The following PTPRO variants were observed in gnomAD, a reference collection of about 807,000 sequenced individuals.
The protein encoded by PTPRO is receptor-type tyrosine-protein phosphatase O.
In PTPRO, 62 loss-of-function variants were observed where a neutral mutation model predicts 145.2. That is an observed-to-expected ratio of 0.43 (90% CI 0.35 to 0.53). The LOEUF is 0.53. Among genes scored for constraint, PTPRO ranks in the 20% least tolerant of loss-of-function variants. The pLI is 0.01. For missense variants in PTPRO, 1,345 were observed against 1,482.7 expected, an observed-to-expected ratio of 0.91 and a Z score of 1.53; for synonymous variants, 565 against 514.7, an observed-to-expected ratio of 1.10 and a Z score of -1.32.
chr12:15,443,263 A>T lies in PTPRO; in HGVS notation c.76-40711A>T, dbSNP rs1178719566. Among the ~76,000 whole-genome samples, 110 of 152,280 alleles carry T rather than the reference A, an allele frequency of 7.2e-4. 1 individual carries two copies. Among genetic ancestry groups the T allele is most frequent in the Non-Finnish European group, 2.5e-4 (17 of 67,996 alleles). ...GAAATAATTGCCTATTCAGCAATAAATAGGACTGGGATAGCTTTCCAGCCA... is the reference window on the plus strand; with the variant it reads ...GAAATAATTGCCTATTCAGCAATAATTAGGACTGGGATAGCTTTCCAGCCA... On this transcript the variant is annotated intron_variant, in intron 1 of 26. Coordinates refer to ENST00000281171, the MANE Select transcript of PTPRO (RefSeq NM_030667.3).
chr12:15,527,040 G>T (rs771110859), intron 12 of PTPRO, among the ~76,000 whole-genome samples: 1 of 152,132 alleles, frequency 6.6e-6, no homozygotes, highest in Admixed American at 6.5e-5. Flanking sequence ...TTTAATTAAA[G>T]TAGGGACAAC....
At chr12:15,558,568 T>C (rs1275153526) in intron 16 of PTPRO, among the ~76,000 whole-genome samples, 2 of 152,214 alleles carry the variant, frequency 1.3e-5, no homozygotes, top group South Asian at 2.1e-4. Context: ...AACATGAAGC[T>C]AACATGTACT....
At chr12:15,358,026 C>G (rs1401244861) in intron 1 of PTPRO, among the ~76,000 whole-genome samples, 2 of 151,416 alleles carry the variant, frequency 1.3e-5, no homozygotes, top group Non-Finnish European at 3.0e-5. Flanking sequence ...GAAAATGTGG[C>G]ACATATACAC....
chr12:15,540,977 C>T (rs551748740), intron 12 of PTPRO, among the ~76,000 whole-genome samples: 38 of 152,246 alleles, frequency 2.5e-4, no homozygotes, highest in African/African-American at 7.7e-4. Context: ...TTGAGTGGAA[C>T]GCCAGCAATA....
intron 7 of PTPRO, among the ~76,000 whole-genome samples, chr12:15,513,206 AAAG>A (rs1942500284): frequency 9.4e-6 from 1 of 106,428 alleles, no homozygotes; most frequent in Non-Finnish European, 1.8e-5. Flanking sequence ...AGAAAGAAAG[AAAG>A]AAAGAAAGAA....
intron 12 of PTPRO, among the ~76,000 whole-genome samples, chr12:15,532,666 C>G (rs1344871901): frequency 6.6e-6 from 1 of 152,196 alleles, no homozygotes; most frequent in Non-Finnish European, 1.5e-5. Flanking sequence ...GTGGTCTATA[C>G]TTAAATTCTA....
In PTPRO at chr12:15,526,085, G is replaced by A. The variant is rs573780727; in HGVS notation, c.2044-57G>A. 3 of 1,609,424 alleles carry A rather than the reference G, an allele frequency of 1.9e-6. No homozygotes were observed. The South Asian group carries it at 3.3e-5, about 18-fold the overall frequency. ...TGCTATAGTCCTTTAGTTGTTTGGG[G>A]TGGTGCACTGATTCATTCACTAAAA... On this transcript the variant is annotated intron_variant, in intron 11 of 26. Coordinates refer to ENST00000281171, the MANE Select transcript of PTPRO (RefSeq NM_030667.3).
At chr12:15,433,082 T>C (rs1940490920) in intron 1 of PTPRO, among the ~76,000 whole-genome samples, 1 of 152,144 alleles carries the variant, frequency 6.6e-6, no homozygotes, top group Admixed American at 6.6e-5. Context: ...CACAATTATT[T>C]TTGATGTCTT....
chr12:15,442,734 C>G (rs115531128), intron 1 of PTPRO, among the ~76,000 whole-genome samples: 1 of 151,906 alleles, frequency 6.6e-6, no homozygotes, highest in Non-Finnish European at 1.5e-5. Context: ...AAATGCAATC[C>G]GATTTACAAT....
At chr12:15,585,579 C>A (rs188723614) in intron 23 of PTPRO, among the ~76,000 whole-genome samples, 2 of 152,110 alleles carry the variant, frequency 1.3e-5, no homozygotes, top group African/African-American at 4.8e-5. Flanking sequence ...TGTCTTTATA[C>A]GTTTATTTTC....
intron 1 of PTPRO, among the ~76,000 whole-genome samples, chr12:15,402,164 C>T (rs535634071): frequency 2.1e-4 from 32 of 151,914 alleles, no homozygotes; most frequent in Non-Finnish European, 3.7e-4. Context: ...CTGAGGCAGG[C>T]GGATCATGAG....
At chr12:15,405,564 A>G (rs1237550620) in intron 1 of PTPRO, among the ~76,000 whole-genome samples, 17 of 152,210 alleles carry the variant, frequency 1.1e-4, no homozygotes, top group Admixed American at 1.1e-3. Context: ...TATTAGGTAG[A>G]CAAAAATATT....
Position 15,497,207 on chromosome 12 carries a change from C to G in PTPRO, c.350-38C>G, listed in dbSNP as rs779442056. On this transcript the variant is annotated intron_variant, in intron 2 of 26. Transcript: ENST00000281171. Reference sequence around the variant, plus strand: ...ATTGATATCGGCCTTTCTCTCTCCTCTTTCTTTTCCCTTTCTCCATTTACT... The same window carrying G: ...ATTGATATCGGCCTTTCTCTCTCCTGTTTCTTTTCCCTTTCTCCATTTACT... The G allele has an allele frequency of 2.6e-6, 4 of 1,519,430 alleles. No individual in the cohort carries two copies. The East Asian group carries it at 6.8e-5, about 26-fold the overall frequency. The allele number at this position is 1,519,430 out of a possible 1,614,324, so 94.1% of individuals were successfully genotyped here. A position where few individuals can be genotyped will look rare whatever the true frequency, so the allele number is the denominator to read the frequency against.
intron 1 of PTPRO, among the ~76,000 whole-genome samples, chr12:15,377,401 T>G (rs1185202282): frequency 6.6e-6 from 1 of 151,968 alleles, no homozygotes; most frequent in East Asian, 1.9e-4. Context: ...GTGATTCAAC[T>G]CTACACTGTC....
At chr12:15,569,553 G>C (rs754393787) in intron 19 of PTPRO, 55 bp downstream of exon 19, 28 of 1,488,178 alleles carry the variant, frequency 1.9e-5, no homozygotes, top group Non-Finnish European at 2.4e-5. Context: ...CTGGGAATTG[G>C]GGGGTTTGTG....
chr12:15,515,500 G>T lies in PTPRO; in HGVS notation c.1467G>T (p.Val489=). The T allele has an allele frequency of 6.2e-7, 1 of 1,613,862 alleles. No homozygotes were observed. Among genetic ancestry groups the T allele is most frequent in the Non-Finnish European group, 8.5e-7 (1 of 1,179,868 alleles). The change falls in exon 8 of 27, where the codon GTG becomes GTT. Residue 489 remains valine, a splice_region_variant and synonymous_variant. Transcript: ENST00000281171. Reference sequence around the variant, plus strand: ...CTTATTGGGTGTTTGGTTTAAAGGTGAACTCAAGCAAACCTATTATTGAAA... The same window carrying T: ...CTTATTGGGTGTTTGGTTTAAAGGTTAACTCAAGCAAACCTATTATTGAAA... The part of the protein sequence containing the change: ...QRLEKQYCTQ[V]NSSKPIIENL...
chr12:15,528,183 A>G (rs180975580), intron 12 of PTPRO, among the ~76,000 whole-genome samples: 12 of 152,100 alleles, frequency 7.9e-5, no homozygotes, highest in African/African-American at 2.9e-4. Context: ...AGAAAAAAGA[A>G]AAATAAGACT....
chr12:15,442,553 A>C (rs535175050), intron 1 of PTPRO, among the ~76,000 whole-genome samples: 3 of 152,128 alleles, frequency 2.0e-5, no homozygotes, highest in Non-Finnish European at 4.4e-5. Flanking sequence ...AAGTCAAACT[A>C]TCTCTCTTCA....
intron 1 of PTPRO, among the ~76,000 whole-genome samples, chr12:15,436,442 C>T (rs1309822459): frequency 6.6e-6 from 1 of 151,934 alleles, no homozygotes; most frequent in Non-Finnish European, 1.5e-5. Context: ...TTTAAACAGC[C>T]CTGTGATGGC....
Sources: allele counts gnomAD v4.1 joint callset (sites outside exome capture counted in the v4.1 genomes callset), GRCh38; gene constraint gnomAD v4.1.1; transcripts MANE v1.5; gene names NCBI Gene and HGNC (gene_info 2026-07-23, HGNC 2026-07-21).